PAPSS2: variants seen among roughly 807,000 people sequenced by gnomAD.
PAPSS2 encodes 3'-phosphoadenosine 5'-phosphosulfate synthase 2, also known as bifunctional 3'-phosphoadenosine 5'-phosphosulfate synthase 2.
PAPSS2 carries 61 observed loss-of-function variants against 66.5 expected under a neutral mutation model. That is an observed-to-expected ratio of 0.92 (90% CI 0.75 to 1.14). The LOEUF (loss-of-function observed/expected upper bound fraction) is 1.14, where lower values mean the gene tolerates loss of function less well. Ranked by LOEUF, PAPSS2 falls within the 50% of genes most tolerant of loss-of-function variation. The pLI, the probability that PAPSS2 is intolerant of heterozygous loss-of-function variation, is 0.00. For missense variants in PAPSS2, 708 were observed against 789.6 expected, an observed-to-expected ratio of 0.90 and a Z score of 1.24; for synonymous variants, 289 against 287.5, an observed-to-expected ratio of 1.01 and a Z score of -0.05.
Position 87,743,424 on chromosome 10 carries a change from T to C in PAPSS2, c.1274T>C (p.Leu425Pro). ...LRNPVHNGHALLMQDTRRRLL... is the reference protein window; with the variant it reads ...LRNPVHNGHAPLMQDTRRRLL... Reference sequence around the variant, plus strand: ...AATCCTGTCCACAATGGCCATGCCCTGTTGATGCAGGACACTCGCCGCAGG... The same window carrying C: ...AATCCTGTCCACAATGGCCATGCCCCGTTGATGCAGGACACTCGCCGCAGG... The change falls in exon 11 of 13, where the codon CTG becomes CCG. Residue 425 changes from leucine (L) to proline (P), a missense_variant. Transcript: ENST00000456849. 6.2e-7 allele frequency: 1 copy of C among 1,614,136 alleles called. No homozygotes were observed. Among genetic ancestry groups the C allele is most frequent in the Non-Finnish European group, 8.5e-7 (1 of 1,180,000 alleles).
chr10:87,675,486 T>C (rs1852932450), intron 1 of PAPSS2, among the ~76,000 whole-genome samples: 1 of 151,778 alleles, frequency 6.6e-6, no homozygotes, highest in Non-Finnish European at 1.5e-5. Flanking sequence ...AGTGGTTTTG[T>C]TGCTGTAAGT....
At position 87,741,274 on chromosome 10, in the gene PAPSS2, C is replaced by T. The variant is rs1472638785; in HGVS notation, c.1126C>T (p.Leu376Phe). 7 of 1,613,652 alleles carry T rather than the reference C, an allele frequency of 4.3e-6. No individual in the cohort carries two copies. Among genetic ancestry groups the T allele is most frequent in the Non-Finnish European group, 5.9e-6 (7 of 1,179,584 alleles). Reference sequence around the variant, plus strand: ...TGGGGACTGGCTGGTTGGTGGAGACCTTCAGGTGCTGGAGAAAATAAGATG... The same window carrying T: ...TGGGGACTGGCTGGTTGGTGGAGACTTTCAGGTGCTGGAGAAAATAAGATG... ...ESGDWLVGGD[L>F]QVLEKIRWND... Residue 376 changes from leucine (L) to phenylalanine (F), a missense_variant, in exon 10 of 13, where the codon CTT (leucine) becomes TTT (phenylalanine). Physicochemically the swap from Leu to Phe is conservative, Grantham distance 22. Coordinates refer to ENST00000456849, the MANE Select transcript of PAPSS2 (RefSeq NM_001015880.2).
rs1853945754 is a variant in PAPSS2, at chr10:87,746,720, G to A, written c.*750G>A. On this transcript the variant is annotated 3_prime_UTR_variant, in exon 13 of 13. Transcript: ENST00000456849. The stretch of plus-strand genomic sequence containing the variant: ...ATGAAAGGACGTCAAACAATGTGGC[G>A]ATGTCGTGGAAAGTTATCTTTCCCG... The A allele has an allele frequency of 6.6e-6, 1 of 152,186 alleles. No homozygotes were observed. Among genetic ancestry groups the A allele is most frequent in the African/African-American group, 2.4e-5 (1 of 41,454 alleles). 9.4% of individuals were successfully genotyped at this position (152,186 alleles called of 1,614,324 possible). A position where few individuals can be genotyped will look rare whatever the true frequency, so the allele number is the denominator to read the frequency against.
At chr10:87,733,962 C>T (rs1415289715) in intron 9 of PAPSS2, among the ~76,000 whole-genome samples, 2 of 152,126 alleles carry the variant, frequency 1.3e-5, no homozygotes, top group Non-Finnish European at 2.9e-5. Context: ...TCAGTCACCA[C>T]GTCCTGCCAA....
At chr10:87,670,086 A>T (rs1852857657) in intron 1 of PAPSS2, among the ~76,000 whole-genome samples, 1 of 152,224 alleles carries the variant, frequency 6.6e-6, no homozygotes, top group African/African-American at 2.4e-5. Flanking sequence ...TATCACACGC[A>T]TTTCTTTCTT....
At chr10:87,669,278 C>T (rs1027342619) in intron 1 of PAPSS2, among the ~76,000 whole-genome samples, 7 of 152,292 alleles carry the variant, frequency 4.6e-5, no homozygotes, top group South Asian at 2.1e-4. Context: ...TTCAGTTATA[C>T]GCCAAAGCCT....
At chr10:87,692,755 C>T (rs969608403) in intron 1 of PAPSS2, among the ~76,000 whole-genome samples, 2 of 152,130 alleles carry the variant, frequency 1.3e-5, no homozygotes, top group African/African-American at 4.8e-5. Flanking sequence ...CTAATGGGTT[C>T]ATCCTGTGTG....
At position 87,743,443 on chromosome 10, in the gene PAPSS2, C is replaced by G. The variant is rs763733751; in HGVS notation, c.1293C>G (p.Arg431=). The change falls in exon 11 of 13, where the codon CGC becomes CGG. Residue 431 remains arginine (R), a synonymous_variant. Transcript: ENST00000456849. ...ATGCCCTGTTGATGCAGGACACTCG[C>G]CGCAGGCTCCTAGAGAGGGGCTACA... ...NGHALLMQDT[R]RRLLERGYKH... is the part of the protein sequence containing the mutation. 6 of 1,613,988 alleles carry G rather than the reference C, an allele frequency of 3.7e-6. No individual in the cohort carries two copies. The African/African-American group carries it at 8.0e-5, about 22-fold the overall frequency.
Position 87,744,935 on chromosome 10 carries a change from C to T in PAPSS2, c.1492-67C>T, listed in dbSNP as rs570000269. 312 of 1,329,544 alleles carry T rather than the reference C, an allele frequency of 2.3e-4. 1 individual carries two copies. In the South Asian group the frequency reaches 3.5e-3, roughly 15 times the overall value. The allele number at this position is 1,329,544 out of a possible 1,614,324, so 82.4% of individuals were successfully genotyped here. A position where few individuals can be genotyped will look rare whatever the true frequency, so the allele number is the denominator to read the frequency against. On this transcript the variant is annotated intron_variant, in intron 11 of 12. Coordinates refer to ENST00000456849, the MANE Select transcript of PAPSS2 (RefSeq NM_001015880.2). ...TACTTTTAAAGTAGAATAAAGGTGT[C>T]TCCATAAACCATGACCTACAGATTT...
intron 9 of PAPSS2, among the ~76,000 whole-genome samples, chr10:87,738,409 GTGTGTGTATGTGTGT>G (rs1564728364): frequency 3.9e-5 from 3 of 77,364 alleles, no homozygotes; most frequent in African/African-American, 8.7e-5. Flanking sequence ...TCTTTTCTGT[GTGTGTGTATGTGTGT>G]GTGTGTGTGT....
At chr10:87,710,328 C>A (rs1263382065) in intron 2 of PAPSS2, among the ~76,000 whole-genome samples, 1 of 152,190 alleles carries the variant, frequency 6.6e-6, no homozygotes, top group African/African-American at 2.4e-5. Flanking sequence ...TGCATCGAAA[C>A]AACTTTCTGC....
intron 1 of PAPSS2, among the ~76,000 whole-genome samples, chr10:87,701,571 G>A (rs1853317706): frequency 6.6e-6 from 1 of 151,598 alleles, no homozygotes; most frequent in Admixed American, 6.6e-5. Flanking sequence ...CTATAGGCAC[G>A]TGCCACCACA....
chr10:87,696,660 G>C (rs1323985595), intron 1 of PAPSS2, among the ~76,000 whole-genome samples: 1 of 152,056 alleles, frequency 6.6e-6, no homozygotes, highest in African/African-American at 2.4e-5. Context: ...ATAACTCCAA[G>C]CAATTTTAAC....
intron 1 of PAPSS2, among the ~76,000 whole-genome samples, chr10:87,691,996 G>C (rs949708292): frequency 6.6e-6 from 1 of 152,162 alleles, no homozygotes; most frequent in African/African-American, 2.4e-5. Flanking sequence ...GAAGAGAATG[G>C]CTTCATGGAA....
At chr10:87,668,790 C>G (rs1312153326) in intron 1 of PAPSS2, among the ~76,000 whole-genome samples, 1 of 151,968 alleles carries the variant, frequency 6.6e-6, no homozygotes, top group African/African-American at 2.4e-5. Context: ...AGAGCTGTGC[C>G]AGGATCTATG....
chr10:87,705,983 C>G (rs760135829), intron 1 of PAPSS2, among the ~76,000 whole-genome samples: 1 of 150,552 alleles, frequency 6.6e-6, no homozygotes, highest in Non-Finnish European at 1.5e-5. Flanking sequence ...CTGCCCGCCT[C>G]GGCCTCCCAG....
chr10:87,684,775 T>G (rs1184715173), intron 1 of PAPSS2, among the ~76,000 whole-genome samples: 1 of 152,144 alleles, frequency 6.6e-6, no homozygotes, highest in Non-Finnish European at 1.5e-5. Context: ...GACGGGGAGA[T>G]TGAAGCTACG....
At chr10:87,670,502 G>A (rs992448702) in intron 1 of PAPSS2, among the ~76,000 whole-genome samples, 1 of 152,042 alleles carries the variant, frequency 6.6e-6, no homozygotes, top group Non-Finnish European at 1.5e-5. Context: ...GCAATCCTGG[G>A]CTAGTGTTTC....
chr10:87,660,138 G>A (rs1852730950), intron 1 of PAPSS2, 130 bp downstream of exon 1: 2 of 920,184 alleles, frequency 2.2e-6, no homozygotes, highest in Non-Finnish European at 3.5e-6. Context: ...TAAGAGTGGG[G>A]CACGGAGGGA....
Sources: gnomAD v4.1 joint callset for allele counts (sites outside exome capture counted in the v4.1 genomes callset) on GRCh38, gnomAD v4.1.1 for gene constraint, MANE v1.5 for transcripts, NCBI Gene and HGNC (gene_info 2026-07-23, HGNC 2026-07-21) for gene names.